Variants in TP53I11 observed in about 807,000 individuals in gnomAD.
TP53I11 encodes the protein tumor protein p53 inducible protein 11.
In TP53I11, 9 loss-of-function variants were observed where a neutral mutation model predicts 23.3. The ratio of observed to expected loss-of-function variants is 0.39; its 90% CI spans 0.23 to 0.67. The LOEUF (loss-of-function observed/expected upper bound fraction) is 0.67. Among genes scored for constraint, TP53I11 ranks in the 30% least tolerant of loss-of-function variants. The pLI is 0.48. For synonymous variants in TP53I11, 100 were observed against 106.1 expected (o/e 0.94, Z 0.35); for missense variants, 170 against 255.2 (o/e 0.67, Z 2.27).
Position 44,936,840 on chromosome 11 carries a change from G to A in TP53I11, c.297C>T (p.Ser99=). ...CGCCGTAGAGGCGGATGGGGGTCTT[G>A]CTGGTCACCTGGGCTCCATCAAAGA... ...DAVFDGAQVT[S]KTPIRLYGGA... Residue 99 remains serine (S), a synonymous_variant, in exon 5 of 7, where the codon AGC becomes AGT. Transcript: ENST00000525680. The surrounding 1 kb of genome is among the most constrained non-coding windows in gnomAD (Gnocchi z 4.4). 1 of 1,609,218 alleles carries A rather than the reference G, an allele frequency of 6.2e-7. No individual in the cohort carries two copies. The highest frequency in any genetic ancestry group is 8.5e-7 in the Non-Finnish European group (1 of 1,178,362).
In TP53I11 at chr11:44,938,381, C is replaced by A. The variant is rs377586731; in HGVS notation, c.-31-15G>T. ...CTGCAGAAGGGCTGAGGGGAGACACCGGCCTCAGGCCACAGTTCCTACCCA... is the reference window on the plus strand; with the variant it reads ...CTGCAGAAGGGCTGAGGGGAGACACAGGCCTCAGGCCACAGTTCCTACCCA... On this transcript the variant is annotated splice_polypyrimidine_tract_variant and intron_variant, in intron 1 of 6. Coordinates refer to ENST00000525680, the MANE Select transcript of TP53I11 (RefSeq NM_006034.5). 12 of 1,517,734 alleles carry A rather than the reference C, an allele frequency of 7.9e-6. No homozygotes were observed. The highest frequency in any genetic ancestry group is 1.3e-5 in the South Asian group (1 of 77,966). 94.0% of individuals were successfully genotyped at this position (1,517,734 alleles called of 1,614,324 possible). A position where few individuals can be genotyped will look rare whatever the true frequency, so the allele number is the denominator to read the frequency against.
chr11:44,935,960 C>A, intron 5 of TP53I11: 3 of 470,622 alleles, frequency 6.4e-6, no homozygotes, highest in South Asian at 5.1e-5. Flanking sequence ...GAGGACTGAG[C>A]CCCTGGCCCC....
At chr11:44,946,736 A>G (rs1417681352) in intron 1 of TP53I11, among the ~76,000 whole-genome samples, 1 of 152,224 alleles carries the variant, frequency 6.6e-6, no homozygotes, top group Non-Finnish European at 1.5e-5. Context: ...AGATTCTGCC[A>G]TCACTGGTAA....
chr11:44,934,747 C>T lies in TP53I11; in HGVS notation c.*137G>A, dbSNP rs1860885907. ...CGGGGTGCCCAGGAGGAAAGGAAGG[C>T]CCCCCACCCCCTGCCTCCCTGGGGC... On this transcript the variant is annotated 3_prime_UTR_variant, in exon 7 of 7. Transcript: ENST00000525680. 4 of 1,245,408 alleles carry T rather than the reference C, an allele frequency of 3.2e-6. No homozygotes were observed. The highest frequency in any genetic ancestry group is 4.4e-6 in the Non-Finnish European group (4 of 915,150). 77.1% of individuals were successfully genotyped at this position (1,245,408 alleles called of 1,614,324 possible). A position where few individuals can be genotyped will look rare whatever the true frequency, so the allele number is the denominator to read the frequency against.
chr11:44,935,204 G>A (rs971429018), intron 6 of TP53I11, among the ~76,000 whole-genome samples, 187 bp from the exon 7 acceptor site: 5 of 152,178 alleles, frequency 3.3e-5, no homozygotes. Flanking sequence ...CTGCTCTGAT[G>A]TCTCCCATGT....
chr11:44,949,441 G>T (rs1268797596), intron 1 of TP53I11, among the ~76,000 whole-genome samples: 2 of 152,230 alleles, frequency 1.3e-5, no homozygotes, highest in Non-Finnish European at 2.9e-5. Flanking sequence ...GTGGGGCGGT[G>T]AGGGGGCCTT....
At chr11:44,938,054 G>A (rs951333413) in intron 2 of TP53I11, among the ~76,000 whole-genome samples, 153 bp downstream of exon 2, 10 of 152,208 alleles carry the variant, frequency 6.6e-5, no homozygotes, top group Non-Finnish European at 1.3e-4. Context: ...TAATGATCTC[G>A]TTATTCCCCT....
At chr11:44,942,154 C>T (rs1032164152) in intron 1 of TP53I11, among the ~76,000 whole-genome samples, 46 of 140,726 alleles carry the variant, frequency 3.3e-4, no homozygotes, top group Non-Finnish European at 5.6e-4. Flanking sequence ...ATCACACACA[C>T]CCACCATACA....
chr11:44,935,708 C>T, intron 5 of TP53I11, 46 bp from the exon 6 acceptor site: 2 of 1,371,934 alleles, frequency 1.5e-6, no homozygotes, highest in Non-Finnish European at 1.0e-6. Context: ...ACAGCTGACT[C>T]CCTCCCAGCA....
rs1183744466 is a variant in TP53I11, at chr11:44,949,958, G to C, written c.-32+719C>G. ...CCTGCAATCTGTCCCTGATGTCCCC[G>C]CTCCAGACACTCACCCACTTTCTGA... is the stretch of plus-strand genomic sequence containing the variant. On this transcript the variant is annotated intron_variant, in intron 1 of 6. Coordinates refer to ENST00000525680, the MANE Select transcript of TP53I11 (RefSeq NM_006034.5). The C allele has an allele frequency of 3.3e-5, 5 of 152,382 alleles. 1 individual carries two copies. The highest frequency in any genetic ancestry group is 1.2e-4 in the African/African-American group (5 of 41,568). The allele number at this position is 152,382 out of a possible 1,614,324, so 9.4% of individuals were successfully genotyped here.
At chr11:44,945,201 T>C (rs1862268477) in intron 1 of TP53I11, among the ~76,000 whole-genome samples, 1 of 152,156 alleles carries the variant, frequency 6.6e-6, no homozygotes. Flanking sequence ...GCAGCACACC[T>C]GTTCCTCCAC....
In TP53I11 at chr11:44,934,061, C is replaced by G. The variant is rs1308560006; in HGVS notation, c.*823G>C. Reference sequence around the variant, plus strand: ...GGGGGCTCCCAGGGCATTCCAGTGTCCTAGGGTAGAGGCAGAGTGCCCTAG... The same window carrying G: ...GGGGGCTCCCAGGGCATTCCAGTGTGCTAGGGTAGAGGCAGAGTGCCCTAG... On this transcript the variant is annotated 3_prime_UTR_variant, in exon 7 of 7. Coordinates refer to ENST00000525680, the MANE Select transcript of TP53I11 (RefSeq NM_006034.5). 1 of 152,656 alleles carries G rather than the reference C, an allele frequency of 6.6e-6. No individual in the cohort carries two copies. Among genetic ancestry groups the G allele is most frequent in the African/African-American group, 2.4e-5 (1 of 41,452 alleles). 9.5% of individuals were successfully genotyped at this position (152,656 alleles called of 1,614,324 possible).
intron 4 of TP53I11, 115 bp downstream of exon 4, chr11:44,937,189 G>T: frequency 7.4e-7 from 1 of 1,354,300 alleles, no homozygotes; most frequent in Non-Finnish European, 1.0e-6. Flanking sequence ...CCCAGAGCCT[G>T]ACAGATGGGC....
intron 1 of TP53I11, among the ~76,000 whole-genome samples, chr11:44,944,790 T>A (rs1019212865): frequency 3.9e-5 from 6 of 152,230 alleles, no homozygotes; most frequent in African/African-American, 1.4e-4. Flanking sequence ...CTGAGGAGCC[T>A]GGCCTCTGGT....
intron 4 of TP53I11, 31 bp downstream of exon 4, chr11:44,937,273 C>T: frequency 6.5e-7 from 1 of 1,533,242 alleles, no homozygotes; most frequent in South Asian, 1.2e-5. Context: ...CACACGGGGC[C>T]AGATCTCAGG....
At chr11:44,945,534 A>T (rs1051180062) in intron 1 of TP53I11, among the ~76,000 whole-genome samples, 1 of 151,636 alleles carries the variant, frequency 6.6e-6, no homozygotes, top group Non-Finnish European at 1.5e-5. Flanking sequence ...GCTCTAACCC[A>T]TCTTCCCCAT....
rs1005333191 is a variant in TP53I11 at position 44,938,954 on chromosome 11, G to A, written c.-31-588C>T. Among the ~76,000 whole-genome samples, 10 of 152,084 alleles carry A rather than the reference G, an allele frequency of 6.6e-5. 1 individual carries two copies. Among genetic ancestry groups the A allele is most frequent in the Admixed American group, 5.9e-4 (9 of 15,276 alleles). ...AGAGAAGGCTGCCAGGGGTGTTGAC[G>A]GGGACACTAAGGTGGTCTAGATTCC... is the stretch of plus-strand genomic sequence containing the variant. On this transcript the variant is annotated intron_variant, in intron 1 of 6. Coordinates refer to ENST00000525680, the MANE Select transcript of TP53I11 (RefSeq NM_006034.5).
In TP53I11 at chr11:44,936,653, G is replaced by C. The variant is rs934724084; in HGVS notation, c.334+150C>G. ...ACAAGATGGCAGCACATCCCCAGCA[G>C]AGAGCTTCATCAGAGGCCGGGGTGT... On this transcript the variant is annotated intron_variant, in intron 5 of 6. Transcript: ENST00000525680. This position sits in a 1 kb window ranked among gnomAD's most constrained non-coding sequence, Gnocchi z 4.4. The C allele has an allele frequency of 9.5e-6, 13 of 1,367,262 alleles. No individual in the cohort carries two copies. The highest frequency in any genetic ancestry group is 2.8e-6 in the Non-Finnish European group (3 of 1,059,552). The allele number at this position is 1,367,262 out of a possible 1,614,324, so 84.7% of individuals were successfully genotyped here.
At chr11:44,949,481 T>A (rs539481574) in intron 1 of TP53I11, among the ~76,000 whole-genome samples, 2 of 152,284 alleles carry the variant, frequency 1.3e-5, no homozygotes, top group African/African-American at 4.8e-5. Context: ...TGGAGGAGCC[T>A]GGGGGTTCTT....
Sources: allele counts gnomAD v4.1 joint callset (sites outside exome capture counted in the v4.1 genomes callset), GRCh38; gene constraint gnomAD v4.1.1; non-coding constraint Gnocchi (gnomAD v3.1); transcripts MANE v1.5; gene names NCBI Gene and HGNC (gene_info 2026-07-23, HGNC 2026-07-21).